Variants in GNG2 observed in about 807,000 individuals in gnomAD.
GNG2 encodes guanine nucleotide-binding protein G(I)/G(S)/G(O) subunit gamma-2.
GNG2 carries 5 observed loss-of-function variants against 5.5 expected under a neutral mutation model. The observed-to-expected ratio is 0.91, with a 90% CI of 0.48 to 1.92. The LOEUF (loss-of-function observed/expected upper bound fraction) is 1.92. GNG2 is among the 30% of genes most tolerant of loss of function. GNG2 has a pLI of 0.01. For synonymous variants in GNG2, 28 were observed against 32.0 expected, an observed-to-expected ratio of 0.88 and a Z score of 0.42; for missense variants, 55 against 88.4, an observed-to-expected ratio of 0.62 and a Z score of 1.52.
At chr14:51,869,784 A>T (rs1294737327) in intron 1 of GNG2, among the ~76,000 whole-genome samples, 2 of 152,318 alleles carry the variant, frequency 1.3e-5, no homozygotes, top group Non-Finnish European at 2.9e-5. Flanking sequence ...AAGTGCTGGG[A>T]TTACAGGCCT....
At chr14:51,836,875 T>TTTTA (rs1881345360) in intron 2 of GNG2, among the ~76,000 whole-genome samples, 1 of 109,640 alleles carries the variant, frequency 9.1e-6, no homozygotes. Flanking sequence ...TTTTTTTTTT[T>TTTTA]GAGACAGAGA....
chr14:51,866,042 G>C (rs1031273039), intron 1 of GNG2, among the ~76,000 whole-genome samples: 4 of 152,164 alleles, frequency 2.6e-5, no homozygotes. Flanking sequence ...AGATAAGACA[G>C]GATCAGCCCC....
intron 2 of GNG2, among the ~76,000 whole-genome samples, chr14:51,929,407 AT>A (rs1462896346): frequency 6.6e-6 from 1 of 152,224 alleles, no homozygotes; most frequent in Non-Finnish European, 1.5e-5. Context: ...GATGCTGAGA[AT>A]CAAGAGGCAC....
chr14:51,839,693 G>C (rs568150082), intron 2 of GNG2, among the ~76,000 whole-genome samples: 1 of 152,298 alleles, frequency 6.6e-6, no homozygotes, highest in Non-Finnish European at 1.5e-5. Context: ...GATCGTGGTG[G>C]TGGTTACATG....
intron 2 of GNG2, among the ~76,000 whole-genome samples, chr14:51,890,014 A>G (rs1014650704): frequency 6.6e-6 from 1 of 152,224 alleles, no homozygotes; most frequent in Non-Finnish European, 1.5e-5. Context: ...CTGAGTGAGT[A>G]AAATAGAAGT....
chr14:51,937,448 T>C (rs1309063868), intron 2 of GNG2, among the ~76,000 whole-genome samples: 1 of 152,138 alleles, frequency 6.6e-6, no homozygotes, highest in Non-Finnish European at 1.5e-5. Flanking sequence ...CTGCATGATA[T>C]CAGACACAAA....
chr14:51,957,041 C>T (rs962944183), intron 3 of GNG2, among the ~76,000 whole-genome samples: 20 of 151,846 alleles, frequency 1.3e-4, no homozygotes, highest in Non-Finnish European at 2.6e-4. Context: ...CCTTACTTCC[C>T]GGTTCTCAGT....
chr14:51,916,479 AG>A, intron 2 of GNG2: 1 of 453,274 alleles, frequency 2.2e-6, no homozygotes, highest in Non-Finnish European at 4.4e-6. Flanking sequence ...AACATCTCAA[AG>A]TGCTAAAAAT....
chr14:51,892,761 C>T (rs1023670858), intron 2 of GNG2, among the ~76,000 whole-genome samples: 1 of 152,190 alleles, frequency 6.6e-6, no homozygotes, highest in Non-Finnish European at 1.5e-5. Context: ...TATTATTCCA[C>T]GTTTTTCTTC....
chr14:51,899,494 T>C lies in GNG2; in HGVS notation c.-30+21837T>C, dbSNP rs963824041. Among the ~76,000 whole-genome samples the C allele has an allele frequency of 2.6e-5, 4 of 152,246 alleles. No homozygotes were observed. In the East Asian group the frequency reaches 7.7e-4, roughly 29 times the overall value. ...TTACCATCATAACCATTTTTAAGACTACAGTTCAGTGGCATTAAATGCATT... is the reference window on the plus strand; with the variant it reads ...TTACCATCATAACCATTTTTAAGACCACAGTTCAGTGGCATTAAATGCATT... On this transcript the variant is annotated intron_variant, in intron 2 of 3. Transcript: ENST00000556766.
At position 51,967,758 on chromosome 14, in the gene GNG2, A is replaced by G. The variant is rs1429941884; in HGVS notation, c.*1071A>G. On this transcript the variant is annotated 3_prime_UTR_variant, in exon 4 of 4. Transcript: ENST00000556766. ...CCATGAGCTGGGAAATGCTTTTGCC[A>G]TGAGTATGAGCAAATTCCCTCTTTC... 3.9e-5 allele frequency: 6 copies of G among 152,138 alleles called. No individual in the cohort carries two copies. The highest frequency in any genetic ancestry group is 7.3e-5 in the Non-Finnish European group (5 of 68,030). The allele number at this position is 152,138 out of a possible 1,614,324, so 9.4% of individuals were successfully genotyped here. A position where few individuals can be genotyped will look rare whatever the true frequency, so the allele number is the denominator to read the frequency against.
chr14:51,948,489 T>C (rs905147707), intron 2 of GNG2, among the ~76,000 whole-genome samples: 2 of 152,222 alleles, frequency 1.3e-5, no homozygotes, highest in African/African-American at 4.8e-5. Flanking sequence ...CAGGGGCTTG[T>C]AGATTGTGGC....
chr14:51,891,238 T>C (rs981296308), intron 2 of GNG2, among the ~76,000 whole-genome samples: 1 of 152,138 alleles, frequency 6.6e-6, no homozygotes, highest in Non-Finnish European at 1.5e-5. Context: ...TTAAGGCAAA[T>C]AGAAGGAGGT....
chr14:51,841,563 T>C lies in GNG2; in HGVS notation c.64+13756T>C, dbSNP rs766188009. ...GCTAATTAAGTGTTGGAGCCCGGAT[T>C]TGAACCCAGGTAATCTGGCTTTGAA... On this transcript the variant is annotated intron_variant, in intron 2 of 3. Transcript: ENST00000553432. 4.3e-6 allele frequency: 3 copies of C among 702,024 alleles called. No individual in the cohort carries two copies. In the South Asian group the frequency reaches 4.4e-5, roughly 10 times the overall value. The allele number at this position is 702,024 out of a possible 1,614,324, so 43.5% of individuals were successfully genotyped here.
At position 51,968,332 on chromosome 14, in the gene GNG2, C is replaced by T. The variant is rs1360617083; in HGVS notation, c.*1645C>T. 4.0e-5 allele frequency: 6 copies of T among 151,486 alleles called. No individual in the cohort carries two copies. Among genetic ancestry groups the T allele is most frequent in the Non-Finnish European group, 8.8e-5 (6 of 67,938 alleles). 9.4% of individuals were successfully genotyped at this position (151,486 alleles called of 1,614,324 possible). On this transcript the variant is annotated 3_prime_UTR_variant, in exon 4 of 4. Coordinates refer to ENST00000556766, the MANE Select transcript of GNG2 (RefSeq NM_053064.5). Reference sequence around the variant, plus strand: ...CATCTCCCAATTAATTTTATTGTCTCTTTCCTCTCTATTCGCTTTCTCCTG... The same window carrying T: ...CATCTCCCAATTAATTTTATTGTCTTTTTCCTCTCTATTCGCTTTCTCCTG...
chr14:51,849,159 G>A (rs1196736666), intron 2 of GNG2, among the ~76,000 whole-genome samples: 1 of 152,142 alleles, frequency 6.6e-6, no homozygotes, highest in Non-Finnish European at 1.5e-5. Context: ...CATTTCCAAG[G>A]TGGCTCGCTT....
At chr14:51,869,495 G>A (rs1883159156) in intron 1 of GNG2, among the ~76,000 whole-genome samples, 1 of 152,202 alleles carries the variant, frequency 6.6e-6, no homozygotes, top group South Asian at 2.1e-4. Flanking sequence ...ATATCAAGGT[G>A]CAGCAGATTT....
At chr14:51,897,450 A>G (rs1160802814) in intron 2 of GNG2, among the ~76,000 whole-genome samples, 1 of 152,182 alleles carries the variant, frequency 6.6e-6, no homozygotes, top group Non-Finnish European at 1.5e-5. Flanking sequence ...CTGTGACGTA[A>G]AAAGGATAAT....
At chr14:51,950,832 T>C (rs1474205197) in intron 3 of GNG2, 67 bp downstream of exon 3, 5 of 900,258 alleles carry the variant, frequency 5.6e-6, no homozygotes, top group Non-Finnish European at 6.6e-6. Flanking sequence ...TGACCACTCT[T>C]TCCTAGAGAG....
Sources: allele counts gnomAD v4.1 joint callset (sites outside exome capture counted in the v4.1 genomes callset), GRCh38; gene constraint gnomAD v4.1.1; transcripts MANE v1.5; gene names NCBI Gene and HGNC (gene_info 2026-07-23, HGNC 2026-07-21).